FAM149A: variants seen among roughly 807,000 people sequenced by gnomAD.
FAM149A encodes the protein protein FAM149A.
Under a neutral mutation model 78.2 loss-of-function variants are expected in FAM149A, and 71 were observed. That is an observed-to-expected ratio of 0.91 (90% confidence interval 0.75 to 1.11). The LOEUF is 1.11. Ranked by LOEUF, FAM149A falls within the 50% of genes least tolerant of loss-of-function variation. The pLI is 0.00. For synonymous variants in FAM149A, 446 were observed against 410.5 expected, an observed-to-expected ratio of 1.09 and a Z score of -1.04; for missense variants, 1,036 against 971.0, an observed-to-expected ratio of 1.07 and a Z score of -0.89.
chr4:186,154,460 T>A lies in FAM149A; in HGVS notation c.1059-8T>A. ...AACTCCCATGTAGAATCTGTTTTTTTCCCATAGGTTGTGCATTTCTGGCTC... is the reference window on the plus strand; with the variant it reads ...AACTCCCATGTAGAATCTGTTTTTTACCCATAGGTTGTGCATTTCTGGCTC... On this transcript the variant is annotated splice_polypyrimidine_tract_variant and splice_region_variant and intron_variant, in intron 5 of 13. Transcript: ENST00000389354. The A allele has an allele frequency of 6.3e-7, 1 of 1,597,336 alleles. No homozygotes were observed. Among genetic ancestry groups the A allele is most frequent in the Non-Finnish European group, 8.5e-7 (1 of 1,170,724 alleles).
intron 11 of FAM149A, 116 bp downstream of exon 11, chr4:186,165,580 A>G: frequency 1.0e-6 from 1 of 968,988 alleles, no homozygotes; most frequent in Non-Finnish European, 1.5e-6. Flanking sequence ...GAGTAGCTGT[A>G]TTCAAATGCC....
At chr4:186,120,816 T>C (rs1441659871) in intron 1 of FAM149A, among the ~76,000 whole-genome samples, 1 of 142,466 alleles carries the variant, frequency 7.0e-6, no homozygotes, top group African/African-American at 2.6e-5. Flanking sequence ...AAAAAGTTAG[T>C]AATCTAAAAG....
At chr4:186,150,999 C>G (rs1733533813) in intron 3 of FAM149A, 1 of 985,000 alleles carries the variant, frequency 1.0e-6, no homozygotes, top group Non-Finnish European at 1.2e-6. Context: ...GCCACTGCGC[C>G]CAGCCTCTTT....
chr4:186,136,976 T>TCTCTCTCTCTCTTTCTCTCTCTC (rs2099323291), intron 1 of FAM149A, among the ~76,000 whole-genome samples: 28 of 72,086 alleles, frequency 3.9e-4, no homozygotes, highest in Admixed American at 8.3e-4. Flanking sequence ...CTCTCTCTCT[T>TCTCTCTCTCTCTTTCTCTCTCTC]TCTCTCTCTC....
chr4:186,137,796 C>G (rs2126396874), intron 1 of FAM149A, among the ~76,000 whole-genome samples: 1 of 151,742 alleles, frequency 6.6e-6, no homozygotes, highest in African/African-American at 2.4e-5. Flanking sequence ...TTGCAATTTC[C>G]TGGACTCATT....
intron 1 of FAM149A, chr4:186,107,625 T>A (rs1579750753): frequency 6.6e-6 from 1 of 152,344 alleles, no homozygotes; most frequent in African/African-American, 2.4e-5. Context: ...GGGGTCTCCC[T>A]ATGTTGCCCA....
intron 1 of FAM149A, chr4:186,125,327 A>G: frequency 1.0e-6 from 1 of 985,360 alleles, no homozygotes; most frequent in Non-Finnish European, 1.2e-6. Flanking sequence ...TTGGATGAAC[A>G]CAGAGCCAGG....
At chr4:186,129,557 A>G (rs916932570) in intron 1 of FAM149A, among the ~76,000 whole-genome samples, 24 of 152,224 alleles carry the variant, frequency 1.6e-4, no homozygotes, top group Admixed American at 1.2e-3. Flanking sequence ...CAACTAGAGA[A>G]GCTGAACACT....
intron 1 of FAM149A, among the ~76,000 whole-genome samples, chr4:186,138,469 C>T (rs1049983050): frequency 3.3e-5 from 5 of 152,196 alleles, no homozygotes; most frequent in Non-Finnish European, 5.9e-5. Context: ...ATCTGCTTCA[C>T]GCAGGGTCCC....
At chr4:186,139,253 C>G (rs1192253444) in intron 1 of FAM149A, among the ~76,000 whole-genome samples, 1 of 152,090 alleles carries the variant, frequency 6.6e-6, no homozygotes, top group Non-Finnish European at 1.5e-5. Flanking sequence ...TTATATTGCC[C>G]TGCCTCAGCC....
chr4:186,159,433 G>T lies in FAM149A; in HGVS notation c.1575+1714G>T, dbSNP rs74544395. Among the ~76,000 whole-genome samples the T allele has an allele frequency of 2.6e-3, 401 of 152,178 alleles. 4 individuals are homozygous for T. Among genetic ancestry groups the T allele is most frequent in the African/African-American group, 9.3e-3 (386 of 41,536 alleles). ...CAAGCAAAGGCGTGGATGAGTAAAA[G>T]ATGGGGCCTGTTTGGGGACTGTGAC... On this transcript the variant is annotated intron_variant, in intron 8 of 13. Transcript: ENST00000389354.
At chr4:186,136,987 TCTCTCTCTCTCTC>T (rs1404851198) in intron 1 of FAM149A, among the ~76,000 whole-genome samples, 15 of 127,102 alleles carry the variant, frequency 1.2e-4, no homozygotes, top group African/African-American at 4.2e-4. Flanking sequence ...TCTCTCTCTC[TCTCTCTCTCTCTC>T]TCTCTCTCTC....
Position 186,156,113 on chromosome 4 carries a change from T to G in FAM149A, c.1343T>G (p.Val448Gly), listed in dbSNP as rs556222486. 6.2e-7 allele frequency: 1 copy of G among 1,613,860 alleles called. No individual in the cohort carries two copies. Among genetic ancestry groups the G allele is most frequent in the Admixed American group, 1.7e-5 (1 of 59,994 alleles). Residue 448 changes from valine to glycine, a missense_variant, in exon 7 of 14, where the codon GTG (valine) becomes GGG (glycine). Physicochemically the swap from Val to Gly is moderately radical, Grantham distance 109. Around this residue, in one of 3 missense-constraint regions of FAM149A, gnomAD observed 716 missense variants for 711.8 expected, o/e 1.01. Transcript: ENST00000389354. ...GTCAAAGATGCCGTGGCAGCAGAAG[T>G]GTTTGATCACGTCTGGACAAATATG...
rs1735613586 is a variant in FAM149A, at chr4:186,172,642, A to C, written c.*655A>C. 3 of 112,436 alleles carry C rather than the reference A, an allele frequency of 2.7e-5. 1 individual carries two copies. The East Asian group carries it at 6.6e-4, about 25-fold the overall frequency. 7.0% of individuals were successfully genotyped at this position (112,436 alleles called of 1,614,324 possible). On this transcript the variant is annotated 3_prime_UTR_variant, in exon 14 of 14. Coordinates refer to ENST00000389354, the MANE Select transcript of FAM149A (RefSeq NM_001367768.3). ...CCACATTTATTGATCTTAGGGTTGA[A>C]TATAAACGCAATTAAAAGCTATGGC...
intron 3 of FAM149A, among the ~76,000 whole-genome samples, chr4:186,150,476 G>GTT (rs1733429971): frequency 1.6e-5 from 2 of 122,114 alleles, no homozygotes; most frequent in African/African-American, 6.0e-5. Flanking sequence ...CTGGAGTGCA[G>GTT]GGGCGCGATC....
intron 1 of FAM149A, among the ~76,000 whole-genome samples, chr4:186,129,245 G>A (rs1437865760): frequency 6.6e-6 from 1 of 151,868 alleles, no homozygotes; most frequent in East Asian, 1.9e-4. Context: ...CTTCTAATCT[G>A]TACCTTCCTG....
At chr4:186,140,269 G>A (rs1469894796) in intron 1 of FAM149A, among the ~76,000 whole-genome samples, 1 of 152,044 alleles carries the variant, frequency 6.6e-6, no homozygotes, top group African/African-American at 2.4e-5. Flanking sequence ...TTAATTTTCA[G>A]AGGGTGATCA....
At chr4:186,148,078 G>A (rs1283832028) in intron 1 of FAM149A, among the ~76,000 whole-genome samples, 1 of 152,198 alleles carries the variant, frequency 6.6e-6, no homozygotes, top group Non-Finnish European at 1.5e-5. Context: ...TGTAATCCCA[G>A]CACTTTGGGA....
chr4:186,132,021 A>T (rs2099320943), intron 1 of FAM149A: 1 of 985,308 alleles, frequency 1.0e-6, no homozygotes, highest in East Asian at 1.1e-4. Context: ...CTTTCTTATT[A>T]TCTCCATAAA....
Sources: gnomAD v4.1 joint callset for allele counts (sites outside exome capture counted in the v4.1 genomes callset) on GRCh38, gnomAD v4.1.1 for gene constraint, gnomAD v4.1.1 regional missense constraint, MANE v1.5 for transcripts, NCBI Gene and HGNC (gene_info 2026-07-23, HGNC 2026-07-21) for gene names.